The following JADE1 variants were observed in gnomAD, a reference collection of about 807,000 sequenced individuals.
JADE1 encodes the protein protein Jade-1.
A neutral mutation model predicts 81.8 loss-of-function variants in JADE1; 14 were observed. The observed-to-expected ratio is 0.17, with a 90% confidence interval of 0.11 to 0.27. JADE1 has a LOEUF of 0.27. Among genes scored for constraint, JADE1 ranks in the 10% least tolerant of loss-of-function variants. The probability of loss-of-function intolerance (pLI) is 1.00; values close to 1 mark genes in which losing one functional copy is unlikely to be tolerated. For missense variants in JADE1, 690 were observed against 1,047.9 expected, an observed-to-expected ratio of 0.66 and a Z score of 4.71; for synonymous variants, 353 against 391.9, an observed-to-expected ratio of 0.90 and a Z score of 1.17.
intron 1 of JADE1, among the ~76,000 whole-genome samples, chr4:128,815,879 A>G (rs1426883517): frequency 6.6e-6 from 1 of 152,206 alleles, no homozygotes; most frequent in Non-Finnish European, 1.5e-5. Flanking sequence ...ATTAGCGAAC[A>G]CACCTTGCTT....
chr4:128,826,775 C>T (rs987668672), intron 1 of JADE1, among the ~76,000 whole-genome samples: 3 of 152,142 alleles, frequency 2.0e-5, no homozygotes, highest in Non-Finnish European at 4.4e-5. Context: ...TAGAGACACA[C>T]ACATGAAACA....
intron 9 of JADE1, 93 bp downstream of exon 9, chr4:128,862,318 A>G: frequency 1.9e-6 from 3 of 1,560,860 alleles, no homozygotes; most frequent in Non-Finnish European, 2.6e-6. Context: ...AGCCAGTCAT[A>G]TACTCTCAGA....
At chr4:128,863,633 A>G in intron 9 of JADE1, 1 of 985,400 alleles carries the variant, frequency 1.0e-6, no homozygotes, top group Non-Finnish European at 1.2e-6. Flanking sequence ...AGGATCCTGG[A>G]GCAGTTTTGT....
rs1732349503 is a variant in JADE1, at chr4:128,873,309, G to GA, written c.*1053dup. On this transcript the variant is annotated 3_prime_UTR_variant, in exon 11 of 11. Transcript: ENST00000226319. ...AAAAAAAAGAAAAAAGAAAAAAAGA[G>GA]AAAAAAGCGAAATAGGTTATATTTT... is the stretch of plus-strand genomic sequence containing the variant. The GA allele has an allele frequency of 7.6e-6, 1 of 130,756 alleles. No homozygotes were observed. The highest frequency in any genetic ancestry group is 1.7e-5 in the Non-Finnish European group (1 of 59,056). The allele number at this position is 130,756 out of a possible 1,614,324, so 8.1% of individuals were successfully genotyped here. A position where few individuals can be genotyped will look rare whatever the true frequency, so the allele number is the denominator to read the frequency against.
rs568049992 is a variant in JADE1 at position 128,871,827 on chromosome 4, A to G, written c.2094A>G (p.Thr698=). The change falls in exon 11 of 11, where the codon ACA becomes ACG. Residue 698 remains threonine, a synonymous_variant. Transcript: ENST00000226319. This position sits in a 1 kb window ranked among gnomAD's most constrained non-coding sequence, Gnocchi z 4.1. ...TGTCCCAGAGGCATCTGGACAACACAAGAGCTGCCACCTCCCCTGGAGTGG... is the reference window on the plus strand; with the variant it reads ...TGTCCCAGAGGCATCTGGACAACACGAGAGCTGCCACCTCCCCTGGAGTGG... ...TDVSQRHLDN[T]RAATSPGVGQ... 3 of 1,614,116 alleles carry G rather than the reference A, an allele frequency of 1.9e-6. No homozygotes were observed. The highest frequency in any genetic ancestry group is 1.3e-5 in the African/African-American group (1 of 75,046).
At chr4:128,810,552 C>T (rs1391104469) in intron 1 of JADE1, among the ~76,000 whole-genome samples, 1 of 146,062 alleles carries the variant, frequency 6.8e-6, no homozygotes, top group African/African-American at 2.5e-5. Context: ...AATGGCAGAA[C>T]GCAGGTTCGC....
At chr4:128,826,111 AT>A (rs1350689436) in intron 1 of JADE1, among the ~76,000 whole-genome samples, 1 of 152,182 alleles carries the variant, frequency 6.6e-6, no homozygotes, top group Admixed American at 6.5e-5. Context: ...TGTAGCTATT[AT>A]GTTTCTCGTG....
rs1730111215 is a variant in JADE1, at chr4:128,848,986, G to A, written c.303G>A (p.Val101=). 1.2e-6 allele frequency: 2 copies of A among 1,613,816 alleles called. No homozygotes were observed. The highest frequency in any genetic ancestry group is 1.7e-6 in the Non-Finnish European group (2 of 1,179,944). The change falls in exon 5 of 11, where the codon GTG becomes GTA. Residue 101 remains valine (V), a synonymous_variant. Coordinates refer to ENST00000226319, the MANE Select transcript of JADE1 (RefSeq NM_199320.4). ...GTIPQPVARV[V]SEEKSLMFIR... Reference sequence around the variant, plus strand: ...TTGTTTTTTTATTATCCAGGGTTGTGTCTGAAGAGAAATCCCTCATGTTCA... The same window carrying A: ...TTGTTTTTTTATTATCCAGGGTTGTATCTGAAGAGAAATCCCTCATGTTCA...
chr4:128,861,501 T>TA (rs368177048), intron 8 of JADE1, among the ~76,000 whole-genome samples: 1 of 152,108 alleles, frequency 6.6e-6, no homozygotes, highest in Non-Finnish European at 1.5e-5. Context: ...CTCATCTCTA[T>TA]AAAAAAAATT....
intron 9 of JADE1, among the ~76,000 whole-genome samples, chr4:128,865,523 G>A (rs1731717318): frequency 6.6e-6 from 1 of 152,188 alleles, no homozygotes; most frequent in African/African-American, 2.4e-5. Context: ...GGACAAGCTG[G>A]ATGTGTTTTG....
chr4:128,853,585 A>T (rs1350682983), intron 6 of JADE1, among the ~76,000 whole-genome samples: 2 of 152,218 alleles, frequency 1.3e-5, no homozygotes, highest in African/African-American at 4.8e-5. Context: ...TTAATGCAGT[A>T]ATGAAGAAAT....
At chr4:128,853,122 C>T (rs1270166028) in intron 6 of JADE1, among the ~76,000 whole-genome samples, 1 of 152,100 alleles carries the variant, frequency 6.6e-6, no homozygotes. Flanking sequence ...ATGATCCGCC[C>T]ACCTTGGCCT....
Position 128,872,102 on chromosome 4 carries a change from C to T in JADE1, c.2369C>T (p.Ala790Val). 3 of 1,614,070 alleles carry T rather than the reference C, an allele frequency of 1.9e-6. No homozygotes were observed. The highest frequency in any genetic ancestry group is 1.1e-5 in the South Asian group (1 of 91,082). ...GGCCGAGTTCCAGCCAAGGAAAGGG[C>T]AAAAAGCAAATTAAAATCCGACAAT... ...GLGRVPAKER[A>V]KSKLKSDNEN... The change falls in exon 11 of 11, where the codon GCA becomes GTA. Residue 790 changes from alanine (A) to valine (V), a missense_variant. Ala to Val is a moderately conservative substitution (Grantham distance 64). Transcript: ENST00000226319.
At chr4:128,841,487 G>A (rs1422281491) in intron 2 of JADE1, among the ~76,000 whole-genome samples, 1 of 152,160 alleles carries the variant, frequency 6.6e-6, no homozygotes, top group Non-Finnish European at 1.5e-5. Flanking sequence ...AAGAGTCTAG[G>A]ACAACTCTTA....
At chr4:128,822,839 A>G (rs1727710239) in intron 1 of JADE1, among the ~76,000 whole-genome samples, 1 of 152,348 alleles carries the variant, frequency 6.6e-6, no homozygotes, top group Non-Finnish European at 1.5e-5. Flanking sequence ...ATGAACATTT[A>G]TATTCTTTCA....
intron 1 of JADE1, chr4:128,810,207 A>G (rs1324819926): frequency 6.6e-6 from 1 of 151,998 alleles, no homozygotes; most frequent in Non-Finnish European, 1.5e-5. Flanking sequence ...CTATCCCACC[A>G]GTAACTTGGG....
At chr4:128,849,809 C>T (rs775731074) in intron 5 of JADE1, among the ~76,000 whole-genome samples, 5 of 152,126 alleles carry the variant, frequency 3.3e-5, no homozygotes, top group East Asian at 3.9e-4. Context: ...ACTGGGATGG[C>T]GTATAGGTCT....
chr4:128,864,008 C>T, intron 9 of JADE1: 1 of 985,372 alleles, frequency 1.0e-6, no homozygotes, highest in African/African-American at 1.7e-5. Context: ...TTGGAGTCAT[C>T]ACTGTCGCTG....
intron 9 of JADE1, chr4:128,862,621 A>G (rs999998649): frequency 2.0e-6 from 2 of 1,025,404 alleles, no homozygotes; most frequent in Non-Finnish European, 1.2e-6. Flanking sequence ...AACGGATTTC[A>G]TTTCTAATGG....
Sources: gnomAD v4.1 joint callset for allele counts (sites outside exome capture counted in the v4.1 genomes callset) on GRCh38, gnomAD v4.1.1 for gene constraint, Gnocchi (gnomAD v3.1) non-coding constraint, MANE v1.5 for transcripts, NCBI Gene and HGNC (gene_info 2026-07-23, HGNC 2026-07-21) for gene names.